GDF5: variants seen among roughly 807,000 people sequenced by gnomAD.
GDF5 encodes the protein growth differentiation factor 5.
GDF5 carries 17 observed loss-of-function variants against 34.6 expected under a neutral mutation model. The observed-to-expected ratio is 0.49, with a 90% CI of 0.34 to 0.74. GDF5 has a LOEUF of 0.74. Among genes scored for constraint, GDF5 ranks in the 30% least tolerant of loss-of-function variants. The pLI, the probability that GDF5 is intolerant of heterozygous loss-of-function variation, is 0.01. For synonymous variants in GDF5, 332 were observed against 290.7 expected, an observed-to-expected ratio of 1.14 and a Z score of -1.44; for missense variants, 616 against 661.2, an observed-to-expected ratio of 0.93 and a Z score of 0.75.
rs1177108177 is a variant in GDF5 at position 35,437,693 on chromosome 20, C to A, written c.236G>T (p.Gly79Val). Residue 79 changes from glycine to valine, a missense_variant, in exon 1 of 2, where the codon GGC (glycine) becomes GTC (valine). Physicochemically the swap from Gly to Val is moderately radical, Grantham distance 109. Coordinates refer to ENST00000374369, the MANE Select transcript of GDF5 (RefSeq NM_000557.5). ...ATNANARAKG[G>V]TGQTGGLTQP... ...TGTCAGGCCTCCTGTCTGCCCGGTG[C>A]CTCCCTTTGCCCTGGCATTGGCATT... 6.2e-7 allele frequency: 1 copy of A among 1,614,076 alleles called. No homozygotes were observed. The highest frequency in any genetic ancestry group is 1.7e-5 in the Admixed American group (1 of 60,026).
chr20:35,448,389 GTTT>G (rs1337621619), intron 1 of GDF5, among the ~76,000 whole-genome samples: 988 of 60,988 alleles, frequency 0.016, 14 homozygotes, highest in African/African-American at 0.062. Context: ...GGGACTTTTT[GTTT>G]TTTTCAAAAA....
chr20:35,444,193 C>A (rs1436508737), intron 1 of GDF5, among the ~76,000 whole-genome samples: 1 of 152,186 alleles, frequency 6.6e-6, no homozygotes, highest in Non-Finnish European at 1.5e-5. Context: ...TGAAATTTCT[C>A]TTATGCGTTT....
At chr20:35,451,753 C>G (rs527400936) in intron 1 of GDF5, among the ~76,000 whole-genome samples, 5 of 151,974 alleles carry the variant, frequency 3.3e-5, no homozygotes, top group Admixed American at 1.3e-4. Context: ...AGGCTGGTCT[C>G]CAACTCCTGG....
chr20:35,438,824 C>CGTGTATGCGTGTGTGTGTGT (rs2062486776), upstream of GDF5, among the ~76,000 whole-genome samples: 1 of 126,406 alleles, frequency 7.9e-6, no homozygotes, highest in African/African-American at 2.9e-5. Flanking sequence ...ATTTGTTATG[C>CGTGTATGCGTGTGTGTGTGT]GTGTGTGTGT....
At position 35,437,465 on chromosome 20, in the gene GDF5, G is replaced by T. The variant is rs757005323; in HGVS notation, c.464C>A (p.Pro155Gln). 5 of 1,613,950 alleles carry T rather than the reference G, an allele frequency of 3.1e-6. No homozygotes were observed. The highest frequency in any genetic ancestry group is 3.4e-6 in the Non-Finnish European group (4 of 1,179,978). The change falls in exon 1 of 2, where the codon CCA becomes CAA. Residue 155 changes from proline (P) to glutamine (Q), a missense_variant. Coordinates refer to ENST00000374369, the MANE Select transcript of GDF5 (RefSeq NM_000557.5). ...GCGAAACGGCTCCTTGGGCTCTCGT[G>T]GGGGCCCGGGCTCCCTGGCCTTCTT... ...LLKKAREPGP[P>Q]REPKEPFRPP...
intron 1 of GDF5, among the ~76,000 whole-genome samples, chr20:35,447,627 T>C (rs537772042): frequency 1.3e-5 from 2 of 152,330 alleles, no homozygotes; most frequent in Admixed American, 1.3e-4. Flanking sequence ...CTAAAACTTA[T>C]AAAAAGTCAT....
chr20:35,451,080 T>TATATATATATATAA lies in GDF5; in HGVS notation c.-398+3559_-398+3560insTTATATATATATAT, dbSNP rs2062531592. Among the ~76,000 whole-genome samples the TATATATATATATAA allele has an allele frequency of 3.0e-4, 9 of 30,304 alleles. 1 individual carries two copies. Among genetic ancestry groups the TATATATATATATAA allele is most frequent in the Non-Finnish European group, 5.1e-4 (8 of 15,686 alleles). The allele number at this position is 30,304 out of a possible 152,430, so 19.9% of individuals were successfully genotyped here. On this transcript the variant is annotated intron_variant, in intron 1 of 3. Coordinates refer to the GDF5 transcript ENST00000374372. Reference sequence around the variant, plus strand: ...AAAAAAAAAAATATATATATATATATATATATATATATACACAAATATATA... The same window carrying TATATATATATATAA: ...AAAAAAAAAAATATATATATATATATATATATATATATAAATATATATATATACACAAATATATA...
intron 1 of GDF5, 91 bp from the exon 2 acceptor site, chr20:35,434,874 A>T (rs224332): frequency 7.8e-6 from 10 of 1,288,896 alleles, no homozygotes; most frequent in Admixed American, 1.7e-5. Context: ...GCTCTCTCCC[A>T]GTCCAGAGAG....
At chr20:35,439,144 G>A (rs909132741), upstream of GDF5, among the ~76,000 whole-genome samples, 2 of 151,668 alleles carry the variant, frequency 1.3e-5, no homozygotes, top group Non-Finnish European at 2.9e-5. Flanking sequence ...CCCCAGCAGA[G>A]ACGTCCTCTG....
intron 1 of GDF5, among the ~76,000 whole-genome samples, chr20:35,452,715 C>T (rs1292345296): frequency 6.6e-6 from 1 of 150,516 alleles, no homozygotes; most frequent in Non-Finnish European, 1.5e-5. Flanking sequence ...AGCCACCGCA[C>T]CCGGCCGACT....
upstream of GDF5, among the ~76,000 whole-genome samples, chr20:35,443,008 C>T (rs1486043570): frequency 1.3e-5 from 2 of 152,202 alleles, no homozygotes; most frequent in Admixed American, 6.5e-5. Context: ...GTATTCCTTT[C>T]AGTCAACGTC....
intron 1 of GDF5, chr20:35,435,049 C>T (rs183217013): frequency 6.4e-6 from 4 of 621,154 alleles, no homozygotes; most frequent in South Asian, 1.9e-5. Context: ...TCATGATATA[C>T]GTGTTATCAG....
chr20:35,437,968 G>A lies in GDF5; in HGVS notation c.-40C>T, dbSNP rs1315762397. 1 of 1,610,644 alleles carries A rather than the reference G, an allele frequency of 6.2e-7. No homozygotes were observed. The highest frequency in any genetic ancestry group is 8.5e-7 in the Non-Finnish European group (1 of 1,178,032). Reference sequence around the variant, plus strand: ...CTGAATGACACCAAAGAGAACAGCGGCAGCAGCGAAGGTGCCTCTGGTTTG... The same window carrying A: ...CTGAATGACACCAAAGAGAACAGCGACAGCAGCGAAGGTGCCTCTGGTTTG... On this transcript the variant is annotated 5_prime_UTR_variant, in exon 1 of 2. Transcript: ENST00000374369.
Position 35,437,949 on chromosome 20 carries a change from G to T in GDF5, c.-21C>A. 1 of 1,613,606 alleles carries T rather than the reference G, an allele frequency of 6.2e-7. No individual in the cohort carries two copies. Among genetic ancestry groups the T allele is most frequent in the Non-Finnish European group, 8.5e-7 (1 of 1,179,788 alleles). On this transcript the variant is annotated 5_prime_UTR_variant, in exon 1 of 2. It introduces an in-frame stop codon into an upstream open reading frame of the 5' UTR. Transcript: ENST00000374369. Reference sequence around the variant, plus strand: ...CTCATCCTCTGGCCAGCCGCTGAATGACACCAAAGAGAACAGCGGCAGCAG... The same window carrying T: ...CTCATCCTCTGGCCAGCCGCTGAATTACACCAAAGAGAACAGCGGCAGCAG...
intron 1 of GDF5, among the ~76,000 whole-genome samples, chr20:35,451,632 A>G (rs1222642262): frequency 8.2e-5 from 12 of 145,628 alleles, no homozygotes; most frequent in African/African-American, 2.6e-4. Context: ...CCCAGGCTAG[A>G]GTGCAGTAGG....
At chr20:35,442,304 G>A (rs575585131), upstream of GDF5, among the ~76,000 whole-genome samples, 119 of 151,924 alleles carry the variant, frequency 7.8e-4, no homozygotes, top group African/African-American at 2.8e-3. Flanking sequence ...GTACCACCAC[G>A]CCCAGCTAAT....
chr20:35,453,490 A>C (rs745616671), intron 1 of GDF5, among the ~76,000 whole-genome samples: 23 of 152,192 alleles, frequency 1.5e-4, no homozygotes, highest in Non-Finnish European at 2.2e-4. Flanking sequence ...TTTGTATTTC[A>C]AATATTGTTG....
In GDF5 at chr20:35,437,867, A is replaced by G. The variant is rs777876942; in HGVS notation, c.62T>C (p.Phe21Ser). The G allele has an allele frequency of 6.2e-7, 1 of 1,614,138 alleles. No homozygotes were observed. Among genetic ancestry groups the G allele is most frequent in the Non-Finnish European group, 8.5e-7 (1 of 1,180,018 alleles). ...LWYLAWLDLEFICTVLGAPDL... is the reference protein window; with the variant it reads ...LWYLAWLDLESICTVLGAPDL... The stretch of plus-strand genomic sequence containing the variant: ...AGGGGCACCCAACACAGTGCAGATG[A>G]ATTCCAGGTCCAGCCAAGCCAGGTA... The change falls in exon 1 of 2, where the codon TTC becomes TCC. Residue 21 changes from phenylalanine to serine, a missense_variant. Physicochemically the swap from Phe to Ser is radical, Grantham distance 155. Transcript: ENST00000374369.
chr20:35,452,455 T>G (rs1185897277), intron 1 of GDF5, among the ~76,000 whole-genome samples: 2 of 152,232 alleles, frequency 1.3e-5, no homozygotes, highest in East Asian at 3.8e-4. Flanking sequence ...GAACTTTCGC[T>G]CTTGTTGCCC....
Sources: gnomAD v4.1 joint callset for allele counts (sites outside exome capture counted in the v4.1 genomes callset) on GRCh38, gnomAD v4.1.1 for gene constraint, MANE v1.5 for transcripts, NCBI Gene and HGNC (gene_info 2026-07-23, HGNC 2026-07-21) for gene names.